Variants in SORCS3 observed in about 807,000 individuals in gnomAD.
The protein encoded by SORCS3 is sortilin related VPS10 domain containing receptor 3, also known as VPS10 domain-containing receptor SorCS3.
In SORCS3, 57 loss-of-function variants were observed where a neutral mutation model predicts 146.3. The ratio of observed to expected loss-of-function variants is 0.39; its 90% CI spans 0.31 to 0.49. The LOEUF (loss-of-function observed/expected upper bound fraction) is 0.49. Among genes scored for constraint, SORCS3 ranks in the 20% least tolerant of loss-of-function variants. The pLI, the probability that SORCS3 is intolerant of heterozygous loss-of-function variation, is 0.92. For synonymous variants in SORCS3, 653 were observed against 618.5 expected (o/e 1.06, Z -0.83); for missense variants, 1,341 against 1,575.5 (o/e 0.85, Z 2.52).
chr10:105,256,783 T>G, intron 24 of SORCS3, 36 bp from the exon 25 acceptor site: 3 of 1,518,070 alleles, frequency 2.0e-6, no homozygotes, highest in Non-Finnish European at 2.7e-6. Context: ...CAAGTGAGCA[T>G]ATCTGTTCTT....
intron 5 of SORCS3, among the ~76,000 whole-genome samples, chr10:105,056,124 A>C (rs950058869): frequency 2.6e-5 from 4 of 152,222 alleles, no homozygotes; most frequent in African/African-American, 9.6e-5. Context: ...TGAATTGGCA[A>C]GTAAGAAAGT....
At chr10:104,996,314 A>G (rs1398512412) in intron 4 of SORCS3, among the ~76,000 whole-genome samples, 2 of 152,190 alleles carry the variant, frequency 1.3e-5, no homozygotes, top group Non-Finnish European at 2.9e-5. Flanking sequence ...AAACATATTG[A>G]GTCTTCTGAT....
intron 13 of SORCS3, among the ~76,000 whole-genome samples, chr10:105,172,135 C>A (rs763111257): frequency 1.4e-4 from 21 of 152,236 alleles, no homozygotes; most frequent in South Asian, 8.3e-4. Context: ...GCAGAATAAG[C>A]CTGCTACAGA....
At chr10:105,233,754 G>T (rs2056777931) in intron 20 of SORCS3, among the ~76,000 whole-genome samples, 1 of 152,112 alleles carries the variant, frequency 6.6e-6, no homozygotes, top group Middle Eastern at 3.2e-3. Flanking sequence ...CTTTTATATG[G>T]CTGCATAGTA....
intron 20 of SORCS3, among the ~76,000 whole-genome samples, chr10:105,235,549 A>G (rs1162025016): frequency 1.3e-5 from 2 of 151,866 alleles, no homozygotes; most frequent in Non-Finnish European, 2.9e-5. Flanking sequence ...TTTAACTTAA[A>G]AACCATAATT....
Position 105,163,850 on chromosome 10 carries a change from T to G in SORCS3, c.1733-453T>G, listed in dbSNP as rs374974806. Among the ~76,000 whole-genome samples the G allele has an allele frequency of 4.7e-5, 7 of 149,642 alleles. No homozygotes were observed. The South Asian group carries it at 1.1e-3, about 23-fold the overall frequency. Reference sequence around the variant, plus strand: ...CACTCAAAGGACATTCTGACAAGTTTCAAACATACACACAGACACACAGTT... The same window carrying G: ...CACTCAAAGGACATTCTGACAAGTTGCAAACATACACACAGACACACAGTT... On this transcript the variant is annotated intron_variant, in intron 11 of 26. Coordinates refer to ENST00000369701, the MANE Select transcript of SORCS3 (RefSeq NM_014978.3).
At chr10:105,262,597 A>G in intron 26 of SORCS3, 106 bp downstream of exon 26, 1 of 1,148,910 alleles carries the variant, frequency 8.7e-7, no homozygotes, top group Non-Finnish European at 1.2e-6. Flanking sequence ...GGGACAAACA[A>G]CTACCTACAG....
chr10:104,860,900 T>C (rs1564700314), intron 2 of SORCS3, among the ~76,000 whole-genome samples: 1 of 152,144 alleles, frequency 6.6e-6, no homozygotes, highest in African/African-American at 2.4e-5. Context: ...CTGGCTTCAG[T>C]TGGAGGTTGT....
At position 104,641,369 on chromosome 10, in the gene SORCS3, G is replaced by A. The variant is rs2133230675; in HGVS notation, c.42G>A (p.Gly14=). The stretch of plus-strand genomic sequence containing the variant: ...CGGAGCGCCCCGCAGGCAGGCCGGG[G>A]GCGCCGCTTGTCCGGACGGGGCTCC... ...ARTERPAGRP[G]APLVRTGLLL... The change falls in exon 1 of 27, where the codon GGG becomes GGA. Residue 14 remains glycine, a synonymous_variant. Transcript: ENST00000369701. This position sits in a 1 kb window ranked among gnomAD's most constrained non-coding sequence, Gnocchi z 6.4. The A allele has an allele frequency of 1.4e-6, 2 of 1,417,246 alleles. No individual in the cohort carries two copies. The highest frequency in any genetic ancestry group is 3.1e-5 in the East Asian group (1 of 32,354). The allele number at this position is 1,417,246 out of a possible 1,614,324, so 87.8% of individuals were successfully genotyped here. A position where few individuals can be genotyped will look rare whatever the true frequency, so the allele number is the denominator to read the frequency against.
chr10:104,948,668 G>A (rs1201053217), intron 3 of SORCS3, among the ~76,000 whole-genome samples: 1 of 152,194 alleles, frequency 6.6e-6, no homozygotes, highest in Non-Finnish European at 1.5e-5. Context: ...GAACAGAAGT[G>A]CTTTAAAGGG....
chr10:105,072,067 T>G (rs867646534), intron 5 of SORCS3, among the ~76,000 whole-genome samples: 2 of 152,134 alleles, frequency 1.3e-5, no homozygotes, highest in Admixed American at 6.5e-5. Context: ...AAGCAGGATA[T>G]TACTGAGATT....
At chr10:105,174,983 C>T (rs76521796) in intron 13 of SORCS3, among the ~76,000 whole-genome samples, 2,547 of 152,184 alleles carry the variant, frequency 0.017, 41 homozygotes, top group Non-Finnish European at 0.025. Context: ...GATGTGAAGA[C>T]GACTCCTTCC....
At chr10:104,753,723 C>G (rs992961587) in intron 1 of SORCS3, among the ~76,000 whole-genome samples, 1 of 152,068 alleles carries the variant, frequency 6.6e-6, no homozygotes, top group Non-Finnish European at 1.5e-5. Context: ...CTTCCTTATC[C>G]TCAATCTTAT....
chr10:105,146,556 A>G (rs1298826164), intron 8 of SORCS3, among the ~76,000 whole-genome samples: 1 of 151,972 alleles, frequency 6.6e-6, no homozygotes, highest in Non-Finnish European at 1.5e-5. Context: ...GGTACAGAAT[A>G]TGGCCAAGCT....
chr10:105,205,686 G>A (rs923701870), intron 16 of SORCS3, among the ~76,000 whole-genome samples: 5 of 152,234 alleles, frequency 3.3e-5, no homozygotes, highest in East Asian at 1.9e-4. Context: ...ATTATGCCCA[G>A]GAGTTCTTTT....
intron 1 of SORCS3, among the ~76,000 whole-genome samples, chr10:104,771,623 C>T (rs547199709): frequency 6.6e-6 from 1 of 152,268 alleles, no homozygotes; most frequent in East Asian, 1.9e-4. Flanking sequence ...GGCATGGCCT[C>T]TCCTTGCTCA....
At chr10:105,131,283 G>A (rs1054992809) in intron 7 of SORCS3, among the ~76,000 whole-genome samples, 3 of 152,190 alleles carry the variant, frequency 2.0e-5, no homozygotes, top group African/African-American at 7.2e-5. Context: ...CTTTAAAGAG[G>A]AGGAAACACT....
rs757988458 is a variant in SORCS3 at position 105,003,999 on chromosome 10, TC to T, written c.954+26507del. ...TCCCCTCCTTTTTTTCTCTTCTCTC[TC>T]TTTTTTTTTTTTTTACCAGAGAAGA... On this transcript the variant is annotated intron_variant, in intron 4 of 26. Transcript: ENST00000369701. 5.9e-4 allele frequency among the ~76,000 whole-genome samples: 38 copies of T among 64,244 alleles called. 3 individuals are homozygous for T. Among genetic ancestry groups the T allele is most frequent in the African/African-American group, 6.9e-4 (3 of 4,376 alleles). The allele number at this position is 64,244 out of a possible 152,430, so 42.1% of individuals were successfully genotyped here.
At chr10:105,026,909 G>T (rs947380214) in intron 4 of SORCS3, among the ~76,000 whole-genome samples, 1 of 152,104 alleles carries the variant, frequency 6.6e-6, no homozygotes, top group Non-Finnish European at 1.5e-5. Context: ...GGCTTCAATT[G>T]TACCCCAAAC....
Sources: allele counts gnomAD v4.1 joint callset (sites outside exome capture counted in the v4.1 genomes callset), GRCh38; gene constraint gnomAD v4.1.1; non-coding constraint Gnocchi (gnomAD v3.1); transcripts MANE v1.5; gene names NCBI Gene and HGNC (gene_info 2026-07-23, HGNC 2026-07-21).